The following PTPRR variants were observed in gnomAD, a reference collection of about 807,000 sequenced individuals.
PTPRR encodes protein tyrosine phosphatase receptor type R, also known as receptor-type tyrosine-protein phosphatase R.
A neutral mutation model predicts 77.2 loss-of-function variants in PTPRR; 38 were observed. That is an observed-to-expected ratio of 0.49 (90% CI 0.38 to 0.65). The LOEUF is 0.65. Ranked by LOEUF, PTPRR falls within the 30% of genes least tolerant of loss-of-function variation. PTPRR has a pLI of 0.00. For synonymous variants in PTPRR, 299 were observed against 283.1 expected, an observed-to-expected ratio of 1.06 and a Z score of -0.57; for missense variants, 744 against 799.2, an observed-to-expected ratio of 0.93 and a Z score of 0.83.
chr12:70,799,873 G>T (rs1466522405), intron 2 of PTPRR, among the ~76,000 whole-genome samples: 7 of 152,180 alleles, frequency 4.6e-5, no homozygotes, highest in Non-Finnish European at 1.0e-4. Flanking sequence ...AGCAGCAGCA[G>T]GTAGGCTTCT....
chr12:70,770,441 A>C lies in PTPRR; in HGVS notation c.358-5663T>G, dbSNP rs1398903076. Among the ~76,000 whole-genome samples, 7 of 152,232 alleles carry C rather than the reference A, an allele frequency of 4.6e-5. No individual in the cohort carries two copies. The South Asian group carries it at 1.0e-3, about 22-fold the overall frequency. On this transcript the variant is annotated intron_variant, in intron 2 of 13. Transcript: ENST00000283228. ...CCATCACTGGCCATCAGAGAAATGC[A>C]AATCATAACCACAATGAGATACCAT...
At chr12:70,757,759 C>T (rs74101582) in intron 4 of PTPRR, among the ~76,000 whole-genome samples, 2,196 of 152,206 alleles carry the variant, frequency 0.014, 42 homozygotes, top group African/African-American at 0.051. Flanking sequence ...AGCCAAAATA[C>T]CAGTGATCCT....
intron 1 of PTPRR, among the ~76,000 whole-genome samples, chr12:70,897,948 A>G (rs1295424908): frequency 2.7e-5 from 4 of 148,680 alleles, no homozygotes; most frequent in Middle Eastern, 3.4e-3. Flanking sequence ...TGGGAATTGA[A>G]CAATGAGAAC....
chr12:70,907,672 A>C (rs1893642008), intron 1 of PTPRR, among the ~76,000 whole-genome samples: 1 of 152,230 alleles, frequency 6.6e-6, no homozygotes, highest in African/African-American at 2.4e-5. Context: ...GTGACTAGAC[A>C]TAAGTCATGA....
chr12:70,815,178 C>T (rs1032543738), intron 2 of PTPRR, among the ~76,000 whole-genome samples: 14 of 142,558 alleles, frequency 9.8e-5, no homozygotes. Context: ...AAAAAAATTG[C>T]AATGTCTAGA....
chr12:70,912,312 G>C lies in PTPRR; in HGVS notation c.58+8021C>G, dbSNP rs559840828. Among the ~76,000 whole-genome samples the C allele has an allele frequency of 2.4e-4, 37 of 152,248 alleles. No homozygotes were observed. The South Asian group carries it at 7.7e-3, about 32-fold the overall frequency. On this transcript the variant is annotated intron_variant, in intron 1 of 13. Transcript: ENST00000283228. ...TCATTAGTACAGTGAAATAGCTGTA[G>C]AGTCTTGCTCTGTACATATTGCTGT...
intron 2 of PTPRR, among the ~76,000 whole-genome samples, chr12:70,840,910 T>G (rs759518849): frequency 1.3e-5 from 2 of 151,588 alleles, no homozygotes; most frequent in Non-Finnish European, 2.9e-5. Flanking sequence ...CACCGTGCCA[T>G]TCACAACCAA....
rs1474499496 is a variant in PTPRR at position 70,698,274 on chromosome 12, T to G, written c.1270A>C (p.Ile424Leu). The G allele has an allele frequency of 6.2e-7, 1 of 1,612,760 alleles. No individual in the cohort carries two copies. Among genetic ancestry groups the G allele is most frequent in the Admixed American group, 1.7e-5 (1 of 59,896 alleles). The change falls in exon 8 of 14, where the codon ATT (isoleucine) becomes CTT (leucine). Residue 424 changes from isoleucine to leucine, a missense_variant. Around this residue, in one of 3 missense-constraint regions of PTPRR, gnomAD observed 570 missense variants for 573.2 expected, o/e 0.99. Transcript: ENST00000283228. ...RHGTKNRYKTILPNPLSRVCL... is the reference protein window; with the variant it reads ...RHGTKNRYKTLLPNPLSRVCL... Reference sequence around the variant, plus strand: ...AAATCAAGAAGCTTACTTGGTAAAATGGTCTTATAGCGATTTTTAGTTCCA... The same window carrying G: ...AAATCAAGAAGCTTACTTGGTAAAAGGGTCTTATAGCGATTTTTAGTTCCA...
chr12:70,810,451 C>T (rs144714521), intron 2 of PTPRR, among the ~76,000 whole-genome samples: 91 of 152,162 alleles, frequency 6.0e-4, no homozygotes, highest in African/African-American at 2.0e-3. Context: ...TCTAGGTACA[C>T]GCAAAAATTA....
Position 70,907,611 on chromosome 12 carries a change from A to G in PTPRR, c.58+12722T>C, listed in dbSNP as rs139765141. Among the ~76,000 whole-genome samples, 124 of 152,348 alleles carry G rather than the reference A, an allele frequency of 8.1e-4. 1 individual carries two copies. The East Asian group carries it at 0.013, about 17-fold the overall frequency. On this transcript the variant is annotated intron_variant, in intron 1 of 13. Coordinates refer to ENST00000283228, the MANE Select transcript of PTPRR (RefSeq NM_002849.4). ...TAGAGTTATTTTTCATTTGATAAAT[A>G]TCTATTACAGAGTGGAACATAATAC...
chr12:70,917,819 A>G (rs1437688057), intron 1 of PTPRR, among the ~76,000 whole-genome samples: 1 of 152,162 alleles, frequency 6.6e-6, no homozygotes, highest in Non-Finnish European at 1.5e-5. Flanking sequence ...TAAAAAGAAC[A>G]CTTACATCCC....
chr12:70,900,271 G>C (rs182795508), intron 1 of PTPRR, among the ~76,000 whole-genome samples: 10 of 151,602 alleles, frequency 6.6e-5, no homozygotes, highest in Admixed American at 4.6e-4. Context: ...TAGTTATTGA[G>C]GTAGTGTAGT....
At chr12:70,697,088 TA>T (rs1380796011) in intron 8 of PTPRR, among the ~76,000 whole-genome samples, 1 of 152,204 alleles carries the variant, frequency 6.6e-6, no homozygotes, top group Non-Finnish European at 1.5e-5. Context: ...TTTTAGGTAA[TA>T]TTTACCTAGA....
chr12:70,770,543 C>A (rs544232671), intron 2 of PTPRR, among the ~76,000 whole-genome samples: 182 of 152,264 alleles, frequency 1.2e-3, no homozygotes, highest in African/African-American at 3.9e-3. Context: ...GAAATAGGAA[C>A]ACTTTTATAC....
intron 6 of PTPRR, among the ~76,000 whole-genome samples, chr12:70,710,513 A>G (rs2203230): frequency 0.28 from 43,142 of 152,054 alleles, 6,508 homozygotes; most frequent in South Asian, 0.44. Flanking sequence ...CATGATGAAG[A>G]TGTCAAAAAT....
At position 70,715,498 on chromosome 12, in the gene PTPRR, C is replaced by T. The variant is rs369749092; in HGVS notation, c.1008-14175G>A. On this transcript the variant is annotated intron_variant, in intron 6 of 13. Transcript: ENST00000283228. Reference sequence around the variant, plus strand: ...TTATTAGGTGGGAATTTCTTCTTCCCAATAAGCCTGGGAGCGCTATGCAAG... The same window carrying T: ...TTATTAGGTGGGAATTTCTTCTTCCTAATAAGCCTGGGAGCGCTATGCAAG... Among the ~76,000 whole-genome samples the T allele has an allele frequency of 3.3e-5, 5 of 152,224 alleles. No homozygotes were observed. The South Asian group carries it at 6.2e-4, about 19-fold the overall frequency.
At chr12:70,665,910 A>C (rs1886976326) in intron 10 of PTPRR, among the ~76,000 whole-genome samples, 1 of 152,226 alleles carries the variant, frequency 6.6e-6, no homozygotes, top group Non-Finnish European at 1.5e-5. Flanking sequence ...TAAGTAAATA[A>C]AATCTTCATA....
chr12:70,833,515 G>A (rs1366654273), intron 2 of PTPRR, among the ~76,000 whole-genome samples: 11 of 152,132 alleles, frequency 7.2e-5, no homozygotes, highest in Non-Finnish European at 4.4e-5. Flanking sequence ...AAACAGCCTG[G>A]GAATGGGAGC....
Position 70,843,040 on chromosome 12 carries a change from G to A in PTPRR, c.357+49639C>T, listed in dbSNP as rs1043664424. Among the ~76,000 whole-genome samples the A allele has an allele frequency of 2.6e-5, 4 of 152,184 alleles. No individual in the cohort carries two copies. The East Asian group carries it at 7.7e-4, about 29-fold the overall frequency. Reference sequence around the variant, plus strand: ...GGAAAAGTATTTTACTCCAGGAGTTGAAATAAATCACCCACAAAATGAAAA... The same window carrying A: ...GGAAAAGTATTTTACTCCAGGAGTTAAAATAAATCACCCACAAAATGAAAA... On this transcript the variant is annotated intron_variant, in intron 2 of 13. Coordinates refer to ENST00000283228, the MANE Select transcript of PTPRR (RefSeq NM_002849.4).
Sources: gnomAD v4.1 joint callset for allele counts (sites outside exome capture counted in the v4.1 genomes callset) on GRCh38, gnomAD v4.1.1 for gene constraint, gnomAD v4.1.1 regional missense constraint, MANE v1.5 for transcripts, NCBI Gene and HGNC (gene_info 2026-07-23, HGNC 2026-07-21) for gene names.